RIMS2: variants seen among roughly 807,000 people sequenced by gnomAD.
RIMS2 encodes regulating synaptic membrane exocytosis 2, also known as regulating synaptic membrane exocytosis protein 2.
RIMS2 carries 59 observed loss-of-function variants against 174.4 expected under a neutral mutation model. That is an observed-to-expected ratio of 0.34 (90% confidence interval 0.27 to 0.42). The LOEUF is 0.42. Among genes scored for constraint, RIMS2 ranks in the 10% least tolerant of loss-of-function variants. The pLI is 1.00. For synonymous variants in RIMS2, 606 were observed against 572.5 expected, an observed-to-expected ratio of 1.06 and a Z score of -0.84; for missense variants, 1,620 against 1,666.3, an observed-to-expected ratio of 0.97 and a Z score of 0.48.
chr8:103,799,165 C>T (rs76510274), intron 3 of RIMS2, among the ~76,000 whole-genome samples: 9,987 of 152,058 alleles, frequency 0.066, 373 homozygotes, highest in Non-Finnish European at 0.079. Flanking sequence ...AATAGACTCC[C>T]CTCAGAACCT....
chr8:104,001,096 T>G (rs2095366096), intron 17 of RIMS2, among the ~76,000 whole-genome samples: 1 of 151,926 alleles, frequency 6.6e-6, no homozygotes, highest in African/African-American at 2.4e-5. Context: ...ATTTTTGCTT[T>G]GGTTGCCTGT....
chr8:104,056,694 A>G (rs1222457018), intron 19 of RIMS2, among the ~76,000 whole-genome samples: 1 of 152,050 alleles, frequency 6.6e-6, no homozygotes, highest in Non-Finnish European at 1.5e-5. Context: ...CCAGCCGGGG[A>G]AACATAGCGA....
chr8:103,761,732 A>G (rs1297664993), intron 2 of RIMS2, among the ~76,000 whole-genome samples: 1 of 152,178 alleles, frequency 6.6e-6, no homozygotes, highest in African/African-American at 2.4e-5. Context: ...TATTTATGTA[A>G]TGGTTACTTG....
chr8:104,232,456 A>C (rs1294098670), intron 19 of RIMS2, among the ~76,000 whole-genome samples: 1 of 152,238 alleles, frequency 6.6e-6, no homozygotes, highest in East Asian at 1.9e-4. Context: ...ACAGAAATCA[A>C]TTCTGGCAAT....
At chr8:103,626,937 G>T (rs568869740) in intron 1 of RIMS2, among the ~76,000 whole-genome samples, 1 of 152,128 alleles carries the variant, frequency 6.6e-6, no homozygotes, top group Non-Finnish European at 1.5e-5. Flanking sequence ...TCTATGTCCC[G>T]CTGTGCATGC....
intron 19 of RIMS2, 113 bp downstream of exon 21, chr8:104,014,728 T>C (rs2095855817): frequency 1.8e-6 from 1 of 559,136 alleles, no homozygotes; most frequent in African/African-American, 1.9e-5. Flanking sequence ...TTGTATGCCT[T>C]GTCTGTATTT....
intron 3 of RIMS2, among the ~76,000 whole-genome samples, chr8:103,781,738 CTTTTTTT>C (rs11308922): frequency 2.5e-4 from 22 of 88,462 alleles, no homozygotes; most frequent in Middle Eastern, 6.7e-3. Context: ...CTCCCCTAAT[CTTTTTTT>C]TTTTTTTTTT....
intron 19 of RIMS2, among the ~76,000 whole-genome samples, chr8:104,205,711 G>C (rs541335013): frequency 2.6e-4 from 40 of 151,898 alleles, no homozygotes; most frequent in Non-Finnish European, 5.0e-4. Context: ...CAGCTCTGTA[G>C]GTGATTATCA....
In RIMS2 at chr8:103,500,824, G is replaced by GGTGCC; in HGVS notation, c.-61_-57dup. The GGTGCC allele has an allele frequency of 8.8e-7, 1 of 1,133,950 alleles. No homozygotes were observed. Among genetic ancestry groups the GGTGCC allele is most frequent in the Non-Finnish European group, 1.2e-6 (1 of 808,938 alleles). The allele number at this position is 1,133,950 out of a possible 1,614,324, so 70.2% of individuals were successfully genotyped here. A position where few individuals can be genotyped will look rare whatever the true frequency, so the allele number is the denominator to read the frequency against. ...TGGAGGCTGCCCCAGCCGCCGCGCC[G>GGTGCC]GTGCCGCCGCTGCCAGTGGAGTTGC... is the stretch of plus-strand genomic sequence containing the variant. On this transcript the variant is annotated 5_prime_UTR_variant, in exon 1 of 24. An upstream open reading frame in the 5' UTR gains an earlier in-frame stop. Coordinates refer to ENST00000504942, the Ensembl canonical transcript of RIMS2.
At position 103,663,512 on chromosome 8, in the gene RIMS2, T is replaced by C. The variant is rs574098336; in HGVS notation, c.177-33574T>C. On this transcript the variant is annotated intron_variant, in intron 1 of 23. Transcript: ENST00000504942. ...CAATAATAGACAAACAGCCAAATCA[T>C]GAGTGATCTCCCATTAACAATTACT... 7.2e-5 allele frequency among the ~76,000 whole-genome samples: 11 copies of C among 152,288 alleles called. No individual in the cohort carries two copies. In the East Asian group the frequency reaches 1.9e-3, roughly 27 times the overall value.
chr8:103,812,371 CAG>C (rs1248639350), intron 3 of RIMS2, among the ~76,000 whole-genome samples: 1 of 93,020 alleles, frequency 1.1e-5, no homozygotes, highest in Non-Finnish European at 2.2e-5. Context: ...GTTTTTGAGA[CAG>C]AGTTTCACCC....
intron 6 of RIMS2, among the ~76,000 whole-genome samples, chr8:103,912,889 G>A (rs994961203): frequency 2.0e-5 from 3 of 151,620 alleles, no homozygotes; most frequent in Non-Finnish European, 4.4e-5. Context: ...AGGCCCAGGT[G>A]GGAAAATTGC....
intron 1 of RIMS2, among the ~76,000 whole-genome samples, chr8:103,627,566 G>T (rs2095816406): frequency 6.6e-6 from 1 of 152,198 alleles, no homozygotes; most frequent in Non-Finnish European, 1.5e-5. Context: ...ACAGGCATAA[G>T]AAATTATAAA....
chr8:103,623,790 C>T (rs902457496), intron 1 of RIMS2, among the ~76,000 whole-genome samples: 16 of 139,748 alleles, frequency 1.1e-4, no homozygotes, highest in Non-Finnish European at 2.0e-4. Flanking sequence ...CGCCCGGTCT[C>T]TTCATTTTTT....
chr8:104,196,883 G>A (rs1008194050), intron 19 of RIMS2, among the ~76,000 whole-genome samples: 1 of 151,986 alleles, frequency 6.6e-6, no homozygotes, highest in Non-Finnish European at 1.5e-5. Context: ...CATAATTATT[G>A]AAAAGTTTAT....
At chr8:103,992,104 G>A (rs1041892648) in intron 17 of RIMS2, among the ~76,000 whole-genome samples, 1 of 151,732 alleles carries the variant, frequency 6.6e-6, no homozygotes, top group Non-Finnish European at 1.5e-5. Context: ...TAGTGTTGTT[G>A]TTGTTTTGTT....
chr8:103,966,725 T>A (rs1386213379), intron 15 of RIMS2, among the ~76,000 whole-genome samples: 1 of 152,130 alleles, frequency 6.6e-6, no homozygotes, highest in Non-Finnish European at 1.5e-5. Context: ...TTTTAGGTAT[T>A]GCTTTTTTTC....
intron 2 of RIMS2, among the ~76,000 whole-genome samples, chr8:103,746,823 G>A (rs1477865254): frequency 6.6e-6 from 1 of 151,998 alleles, no homozygotes; most frequent in Non-Finnish European, 1.5e-5. Flanking sequence ...TAGGACTACA[G>A]GCATGTGCCA....
intron 19 of RIMS2, among the ~76,000 whole-genome samples, chr8:104,125,263 C>T (rs961173079): frequency 2.0e-5 from 3 of 152,084 alleles, no homozygotes; most frequent in Non-Finnish European, 4.4e-5. Context: ...ATTGACTGAG[C>T]GATATGTATT....
Sources: allele counts gnomAD v4.1 joint callset (sites outside exome capture counted in the v4.1 genomes callset), GRCh38; gene constraint gnomAD v4.1.1; transcripts MANE v1.5; gene names NCBI Gene and HGNC (gene_info 2026-07-23, HGNC 2026-07-21).